Variants in ELOVL6 observed in about 807,000 individuals in gnomAD.
ELOVL6 encodes the protein ELOVL fatty acid elongase 6.
Under a neutral mutation model 31.7 loss-of-function variants are expected in ELOVL6, and 8 were observed. That is an observed-to-expected ratio of 0.25 (90% CI 0.15 to 0.45). The LOEUF is 0.45. Among genes scored for constraint, ELOVL6 ranks in the 20% least tolerant of loss-of-function variants. The probability of loss-of-function intolerance (pLI) is 1.00; values close to 1 mark genes in which losing one functional copy is unlikely to be tolerated. For missense variants in ELOVL6, 126 were observed against 326.4 expected, an observed-to-expected ratio of 0.39 and a Z score of 4.73; for synonymous variants, 101 against 117.7, an observed-to-expected ratio of 0.86 and a Z score of 0.92.
chr4:110,135,770 G>A (rs1455595003), intron 1 of ELOVL6, among the ~76,000 whole-genome samples: 1 of 152,120 alleles, frequency 6.6e-6, no homozygotes, highest in Non-Finnish European at 1.5e-5. Context: ...TCCAGTGCCA[G>A]GCACCACAGA....
At chr4:110,178,411 G>A (rs1023576580) in intron 1 of ELOVL6, among the ~76,000 whole-genome samples, 16 of 151,972 alleles carry the variant, frequency 1.1e-4, no homozygotes, top group African/African-American at 7.3e-5. Context: ...GTGTGGTGGC[G>A]CACGCCTATA....
chr4:110,169,238 G>GTTTTTTTTTTTT (rs140593620), intron 1 of ELOVL6, among the ~76,000 whole-genome samples: 2 of 136,732 alleles, frequency 1.5e-5, no homozygotes. Context: ...GGGGTTTTTT[G>GTTTTTTTTTTTT]TTTTGTTTTT....
chr4:110,084,588 A>ATATATATTT (rs1553956261), intron 2 of ELOVL6, among the ~76,000 whole-genome samples: 1 of 29,658 alleles, frequency 3.4e-5, no homozygotes, highest in African/African-American at 2.2e-4. Flanking sequence ...ATATATATAT[A>ATATATATTT]TTTTTTTTTT....
chr4:110,166,437 C>T (rs1259732934), intron 1 of ELOVL6, among the ~76,000 whole-genome samples: 1 of 152,088 alleles, frequency 6.6e-6, no homozygotes, highest in African/African-American at 2.4e-5. Context: ...AACCGTGAAA[C>T]CCCATCTCTA....
chr4:110,084,359 C>CCGCATATATGATATATGATATATAT lies in ELOVL6; in HGVS notation c.221+21113_221+21137dup, dbSNP rs1367771993. Among the ~76,000 whole-genome samples, 8 of 37,242 alleles carry CCGCATATATGATATATGATATATAT rather than the reference C, an allele frequency of 2.1e-4. 2 individuals are homozygous for CCGCATATATGATATATGATATATAT. The South Asian group carries it at 4.3e-3, about 20-fold the overall frequency. 24.4% of individuals were successfully genotyped at this position (37,242 alleles called of 152,430 possible). On this transcript the variant is annotated intron_variant, in intron 2 of 3. Coordinates refer to ENST00000302274, the MANE Select transcript of ELOVL6 (RefSeq NM_024090.3). ...TCACATATATGATATATGATATATA[C>CCGCATATATGATATATGATATATAT]CGCATATATGATATATGATATATAT...
intron 1 of ELOVL6, among the ~76,000 whole-genome samples, chr4:110,153,378 C>T (rs1006886128): frequency 7.2e-5 from 11 of 152,280 alleles, no homozygotes; most frequent in African/African-American, 2.6e-4. Context: ...ACCTACTTAT[C>T]TCTTTTGAGT....
chr4:110,097,058 A>G (rs1313207607), intron 2 of ELOVL6, among the ~76,000 whole-genome samples: 2 of 152,078 alleles, frequency 1.3e-5, no homozygotes, highest in African/African-American at 4.8e-5. Flanking sequence ...CTGTAATCTC[A>G]GCACTTTGGG....
intron 2 of ELOVL6, among the ~76,000 whole-genome samples, chr4:110,089,763 T>C (rs1478959974): frequency 6.6e-6 from 1 of 152,158 alleles, no homozygotes; most frequent in Non-Finnish European, 1.5e-5. Flanking sequence ...TGCCTCAAGA[T>C]AGCAAGTCAC....
chr4:110,196,134 A>G (rs891283427), intron 1 of ELOVL6, among the ~76,000 whole-genome samples: 2 of 152,176 alleles, frequency 1.3e-5, no homozygotes, highest in African/African-American at 4.8e-5. Context: ...CAACAAGTAA[A>G]TAAGAGGCAG....
intron 1 of ELOVL6, among the ~76,000 whole-genome samples, chr4:110,144,054 C>CAAAAAAA (rs10716398): frequency 3.5e-5 from 3 of 85,592 alleles, no homozygotes; most frequent in African/African-American, 8.7e-5. Context: ...AACTCCATCT[C>CAAAAAAA]AAAAAAAAAA....
At chr4:110,160,476 T>C (rs1758601463) in intron 1 of ELOVL6, among the ~76,000 whole-genome samples, 2 of 152,376 alleles carry the variant, frequency 1.3e-5, no homozygotes, top group East Asian at 1.9e-4. Flanking sequence ...GTCTATGGTC[T>C]ATCTCTTGTT....
intron 1 of ELOVL6, among the ~76,000 whole-genome samples, chr4:110,134,918 G>A (rs1048658439): frequency 1.3e-5 from 2 of 152,030 alleles, no homozygotes; most frequent in Non-Finnish European, 2.9e-5. Context: ...TCATACCACT[G>A]CACTCCAGCC....
At chr4:110,079,239 C>T (rs1755755463) in intron 2 of ELOVL6, among the ~76,000 whole-genome samples, 1 of 152,128 alleles carries the variant, frequency 6.6e-6, no homozygotes, top group African/African-American at 2.4e-5. Context: ...ACCAAGTGGA[C>T]CTAATAGACA....
chr4:110,099,715 C>T (rs970771796), intron 2 of ELOVL6, among the ~76,000 whole-genome samples: 2 of 152,170 alleles, frequency 1.3e-5, no homozygotes, highest in Admixed American at 6.6e-5. Flanking sequence ...GAAAACACTG[C>T]CAGACAGGTA....
intron 2 of ELOVL6, among the ~76,000 whole-genome samples, chr4:110,094,438 T>TATAAAA (rs1553957093): frequency 3.6e-5 from 2 of 55,354 alleles, no homozygotes; most frequent in African/African-American, 1.7e-4. Context: ...TATATATATA[T>TATAAAA]ATATAATATA....
chr4:110,062,990 C>T (rs1052529500), intron 2 of ELOVL6, among the ~76,000 whole-genome samples: 13 of 152,104 alleles, frequency 8.5e-5, no homozygotes, highest in African/African-American at 2.9e-4. Flanking sequence ...AGGTGCTCAA[C>T]GAAACAGTTT....
intron 2 of ELOVL6, among the ~76,000 whole-genome samples, chr4:110,090,856 G>A (rs2126239508): frequency 6.6e-6 from 1 of 152,176 alleles, no homozygotes; most frequent in South Asian, 2.1e-4. Flanking sequence ...ACCCGCCTCG[G>A]CCTCCCAAAG....
At chr4:110,156,696 A>G (rs574253645) in intron 1 of ELOVL6, among the ~76,000 whole-genome samples, 1 of 152,322 alleles carries the variant, frequency 6.6e-6, no homozygotes, top group South Asian at 2.1e-4. Context: ...AAAAAAACAG[A>G]AAAAGAAACG....
intron 2 of ELOVL6, among the ~76,000 whole-genome samples, chr4:110,094,318 C>T (rs1756503180): frequency 6.8e-6 from 1 of 146,854 alleles, no homozygotes; most frequent in Non-Finnish European, 1.5e-5. Flanking sequence ...CTTTGGGAGA[C>T]TGAGGCAGGA....
Sources: allele counts gnomAD v4.1 joint callset (sites outside exome capture counted in the v4.1 genomes callset), GRCh38; gene constraint gnomAD v4.1.1; transcripts MANE v1.5; gene names NCBI Gene and HGNC (gene_info 2026-07-23, HGNC 2026-07-21).